Variants in INPP4B observed in about 807,000 individuals in gnomAD.
INPP4B encodes the protein inositol polyphosphate-4-phosphatase type II B, also known as inositol polyphosphate 4-phosphatase type II.
A neutral mutation model predicts 122.5 loss-of-function variants in INPP4B; 55 were observed. That is an observed-to-expected ratio of 0.45 (90% CI 0.36 to 0.56). INPP4B has a LOEUF of 0.56. Among genes scored for constraint, INPP4B ranks in the 20% least tolerant of loss-of-function variants. The probability of loss-of-function intolerance (pLI) is 0.00; values close to 1 mark genes in which losing one functional copy is unlikely to be tolerated. For missense variants in INPP4B, 1,000 were observed against 1,097.7 expected (o/e 0.91, Z 1.26); for synonymous variants, 403 against 388.7 (o/e 1.04, Z -0.43).
At chr4:142,368,753 A>T (rs1309976961) in intron 7 of INPP4B, among the ~76,000 whole-genome samples, 1 of 152,152 alleles carries the variant, frequency 6.6e-6, no homozygotes, top group Non-Finnish European at 1.5e-5. Context: ...TTGCACAGGA[A>T]ATAATGGGCA....
intron 17 of INPP4B, among the ~76,000 whole-genome samples, chr4:142,156,341 A>G (rs571645721): frequency 6.6e-6 from 1 of 152,262 alleles, no homozygotes; most frequent in African/African-American, 2.4e-5. Flanking sequence ...TAGAAACCAC[A>G]AAAACTAGGT....
chr4:142,137,229 C>A (rs553737741), intron 18 of INPP4B, among the ~76,000 whole-genome samples: 1 of 150,782 alleles, frequency 6.6e-6, no homozygotes, highest in South Asian at 2.1e-4. Flanking sequence ...GAAATAACAC[C>A]GCATATCTAC....
chr4:142,067,765 A>T (rs1475577838), intron 25 of INPP4B, among the ~76,000 whole-genome samples: 1 of 152,102 alleles, frequency 6.6e-6, no homozygotes, highest in Non-Finnish European at 1.5e-5. Flanking sequence ...ATGAAGTGAG[A>T]AGAGAAGTTT....
intron 9 of INPP4B, among the ~76,000 whole-genome samples, chr4:142,294,302 G>A (rs1418029488): frequency 7.2e-6 from 1 of 138,540 alleles, no homozygotes; most frequent in African/African-American, 2.6e-5. Flanking sequence ...TAGGAATGAT[G>A]AGCTCTGACA....
intron 25 of INPP4B, among the ~76,000 whole-genome samples, chr4:142,056,211 C>T (rs1180420584): frequency 2.6e-5 from 4 of 152,036 alleles, no homozygotes; most frequent in African/African-American, 7.2e-5. Context: ...CTTAACAGGC[C>T]ACAGACCTGA....
chr4:142,399,060 CTGT>C (rs1800708069), intron 7 of INPP4B, among the ~76,000 whole-genome samples: 1 of 152,000 alleles, frequency 6.6e-6, no homozygotes, highest in Non-Finnish European at 1.5e-5. Context: ...GATTTGATGG[CTGT>C]CCTCAGAGGG....
chr4:142,227,397 G>A (rs904561538), intron 12 of INPP4B, among the ~76,000 whole-genome samples: 8 of 151,978 alleles, frequency 5.3e-5, no homozygotes, highest in East Asian at 1.9e-4. Context: ...CTGTCATTGC[G>A]CGATTTTTAT....
At chr4:142,547,337 C>T (rs1289967107) in intron 2 of INPP4B, among the ~76,000 whole-genome samples, 2 of 151,858 alleles carry the variant, frequency 1.3e-5, no homozygotes, top group Non-Finnish European at 2.9e-5. Context: ...CAGAGCATGC[C>T]CTGACCCTCT....
chr4:142,507,975 C>T (rs1824227529), intron 2 of INPP4B, among the ~76,000 whole-genome samples: 1 of 152,102 alleles, frequency 6.6e-6, no homozygotes, highest in South Asian at 2.1e-4. Flanking sequence ...AGATTATAGG[C>T]CCCTGACCCC....
intron 7 of INPP4B, among the ~76,000 whole-genome samples, chr4:142,365,020 G>A (rs1008755023): frequency 1.3e-5 from 2 of 152,098 alleles, no homozygotes; most frequent in Non-Finnish European, 2.9e-5. Flanking sequence ...GTAAGAATAG[G>A]AGGAGTAGAC....
chr4:142,187,169 G>C (rs1234588833), intron 15 of INPP4B, among the ~76,000 whole-genome samples: 1 of 151,982 alleles, frequency 6.6e-6, no homozygotes, highest in Non-Finnish European at 1.5e-5. Context: ...ATGATATATT[G>C]TCAGCTACTG....
intron 2 of INPP4B, among the ~76,000 whole-genome samples, chr4:142,552,753 G>T (rs1728279063): frequency 1.3e-5 from 2 of 152,294 alleles, no homozygotes; most frequent in African/African-American, 4.8e-5. Context: ...TATTACAGCA[G>T]CTCCACAGGT....
chr4:142,398,105 G>A (rs571993742), intron 7 of INPP4B, among the ~76,000 whole-genome samples: 1 of 151,156 alleles, frequency 6.6e-6, no homozygotes, highest in Non-Finnish European at 1.5e-5. Flanking sequence ...CCTGGGCGCG[G>A]TGGCTCACGC....
At chr4:142,319,749 A>G (rs1769284781) in intron 7 of INPP4B, among the ~76,000 whole-genome samples, 1 of 152,206 alleles carries the variant, frequency 6.6e-6, no homozygotes, top group Non-Finnish European at 1.5e-5. Context: ...CCGGAGTCCC[A>G]AAATTACCAC....
chr4:142,574,116 C>CTTAATAAGACTTTCAAGACA (rs1304502350), intron 2 of INPP4B, among the ~76,000 whole-genome samples: 1 of 152,004 alleles, frequency 6.6e-6, no homozygotes, highest in Non-Finnish European at 1.5e-5. Context: ...TACCAAAAGC[C>CTTAATAAGACTTTCAAGACA]TTAATAAGAC....
intron 10 of INPP4B, among the ~76,000 whole-genome samples, chr4:142,261,005 G>A (rs1739718645): frequency 6.6e-6 from 1 of 152,146 alleles, no homozygotes; most frequent in Non-Finnish European, 1.5e-5. Flanking sequence ...TAGTTATATA[G>A]GGCAAAAGAT....
At chr4:142,747,880 G>A (rs1402320332) in intron 1 of INPP4B, among the ~76,000 whole-genome samples, 1 of 152,066 alleles carries the variant, frequency 6.6e-6, no homozygotes, top group Admixed American at 6.6e-5. Flanking sequence ...AGGGGTGGGG[G>A]AGCTGGGGAA....
At chr4:142,231,331 T>C (rs185408384) in intron 12 of INPP4B, among the ~76,000 whole-genome samples, 1 of 152,350 alleles carries the variant, frequency 6.6e-6, no homozygotes, top group East Asian at 1.9e-4. Context: ...TTTACATATG[T>C]GTATGCTTTA....
intron 15 of INPP4B, among the ~76,000 whole-genome samples, chr4:142,175,634 T>A (rs1579175149): frequency 7.1e-6 from 1 of 140,664 alleles, no homozygotes; most frequent in Non-Finnish European, 1.6e-5. Context: ...AAAAAAAAAA[T>A]TGCAAGGAGG....
Sources: gnomAD v4.1 joint callset for allele counts (sites outside exome capture counted in the v4.1 genomes callset) on GRCh38, gnomAD v4.1.1 for gene constraint, MANE v1.5 for transcripts, NCBI Gene and HGNC (gene_info 2026-07-23, HGNC 2026-07-21) for gene names.